The following MEOX2 variants were observed in gnomAD, a reference collection of about 807,000 sequenced individuals.
MEOX2 encodes homeobox protein MOX-2.
In MEOX2, 11 loss-of-function variants were observed where a neutral mutation model predicts 27.0. That is an observed-to-expected ratio of 0.41 (90% CI 0.26 to 0.68). The LOEUF is 0.68. Among genes scored for constraint, MEOX2 ranks in the 30% least tolerant of loss-of-function variants. The pLI, the probability that MEOX2 is intolerant of heterozygous loss-of-function variation, is 0.33. For missense variants in MEOX2, 436 were observed against 385.4 expected, an observed-to-expected ratio of 1.13 and a Z score of -1.10; for synonymous variants, 189 against 155.4, an observed-to-expected ratio of 1.22 and a Z score of -1.61.
chr7:15,620,768 G>A (rs1024143539), intron 2 of MEOX2, among the ~76,000 whole-genome samples: 3 of 152,108 alleles, frequency 2.0e-5, no homozygotes, highest in East Asian at 1.9e-4. Flanking sequence ...GTATGATCTC[G>A]TTAGGTGGGA....
intron 1 of MEOX2, among the ~76,000 whole-genome samples, chr7:15,658,415 G>T (rs1273423557): frequency 6.6e-6 from 1 of 152,150 alleles, no homozygotes; most frequent in East Asian, 1.9e-4. Flanking sequence ...TGCTTTGTGA[G>T]GCTCCTCCTT....
chr7:15,637,322 C>T (rs1448830737), intron 1 of MEOX2, among the ~76,000 whole-genome samples: 2 of 151,964 alleles, frequency 1.3e-5, no homozygotes, highest in Non-Finnish European at 2.9e-5. Context: ...AACTCACATA[C>T]GTCATAGGTT....
At chr7:15,618,488 C>T (rs78582681) in intron 2 of MEOX2, among the ~76,000 whole-genome samples, 1,729 of 152,082 alleles carry the variant, frequency 0.011, 37 homozygotes, top group African/African-American at 0.039. Flanking sequence ...TTGATCTCAA[C>T]ATCTTGCCCA....
intron 1 of MEOX2, among the ~76,000 whole-genome samples, chr7:15,685,419 A>G (rs1161688605): frequency 1.3e-5 from 2 of 152,134 alleles, no homozygotes; most frequent in African/African-American, 4.8e-5. Context: ...AGTTCCAAAC[A>G]TTGTGCAATA....
At position 15,686,267 on chromosome 7, in the gene MEOX2, A is replaced by G. The variant is rs772083188; in HGVS notation, c.136T>C (p.Ser46Pro). The G allele has an allele frequency of 1.2e-6, 2 of 1,612,866 alleles. No individual in the cohort carries two copies. Among genetic ancestry groups the G allele is most frequent in the South Asian group, 2.2e-5 (2 of 90,810 alleles). ...MSYPELSTSS[S>P]SCIIAGYPNE... ...GGGTATCCCGCGATTATGCAAGATG[A>G]GGAAGAAGTAGAGAGCTCGGGGTAA... The change falls in exon 1 of 3, where the codon TCA becomes CCA. Residue 46 changes from serine (S) to proline (P), a missense_variant. By Grantham distance (74) the Ser-to-Pro change is moderately conservative. Transcript: ENST00000262041.
chr7:15,615,748 G>A (rs1355346138), intron 2 of MEOX2, among the ~76,000 whole-genome samples: 1 of 151,830 alleles, frequency 6.6e-6, no homozygotes, highest in African/African-American at 2.4e-5. Flanking sequence ...TCCCTATAGG[G>A]ATATTTTCTC....
intron 1 of MEOX2, among the ~76,000 whole-genome samples, chr7:15,633,142 A>C (rs1781427735): frequency 6.6e-6 from 1 of 151,906 alleles, no homozygotes; most frequent in Non-Finnish European, 1.5e-5. Flanking sequence ...CTAGAACGTA[A>C]GTGTTTGAGG....
At chr7:15,648,111 TA>T (rs901287282) in intron 1 of MEOX2, among the ~76,000 whole-genome samples, 15 of 152,056 alleles carry the variant, frequency 9.9e-5, no homozygotes, top group Non-Finnish European at 5.9e-5. Flanking sequence ...TATTTTTAAT[TA>T]ACAGGTATTT....
chr7:15,618,082 A>G (rs1007901617), intron 2 of MEOX2, among the ~76,000 whole-genome samples: 1 of 152,050 alleles, frequency 6.6e-6, no homozygotes, highest in East Asian at 1.9e-4. Flanking sequence ...AACCATTCAC[A>G]TGATAAAGCA....
chr7:15,683,915 A>G (rs1782333156), intron 1 of MEOX2, among the ~76,000 whole-genome samples: 1 of 152,164 alleles, frequency 6.6e-6, no homozygotes, highest in Non-Finnish European at 1.5e-5. Flanking sequence ...TACCCTCATT[A>G]TCAGCTTCAA....
intron 1 of MEOX2, among the ~76,000 whole-genome samples, chr7:15,639,598 T>A (rs979070482): frequency 6.6e-6 from 1 of 152,030 alleles, no homozygotes; most frequent in Non-Finnish European, 1.5e-5. Context: ...TAGTTTTGGG[T>A]CTTATGTTTA....
intron 1 of MEOX2, chr7:15,681,912 C>A (rs902712560): frequency 2.0e-5 from 3 of 151,696 alleles, no homozygotes; most frequent in Non-Finnish European, 3.0e-5. Context: ...GGAAACTATT[C>A]CTACTTTTAT....
At chr7:15,652,420 G>C (rs906701646) in intron 1 of MEOX2, among the ~76,000 whole-genome samples, 1 of 151,956 alleles carries the variant, frequency 6.6e-6, no homozygotes, top group Non-Finnish European at 1.5e-5. Flanking sequence ...ATATAAGCAG[G>C]TCTTCTATTC....
chr7:15,637,515 T>TACAC (rs903037229), intron 1 of MEOX2, among the ~76,000 whole-genome samples: 3 of 150,144 alleles, frequency 2.0e-5, no homozygotes, highest in Non-Finnish European at 4.5e-5. Context: ...AATTTTCCAA[T>TACAC]ACACACACAC....
At chr7:15,673,059 C>T (rs1782129292) in intron 1 of MEOX2, among the ~76,000 whole-genome samples, 1 of 152,174 alleles carries the variant, frequency 6.6e-6, no homozygotes, top group Non-Finnish European at 1.5e-5. Context: ...ACCTTCAAAA[C>T]ACCCCTAACA....
At position 15,665,041 on chromosome 7, in the gene MEOX2, TCACACACACACACA is replaced by T. The variant is rs35772927; in HGVS notation, c.517+20831_517+20844del. Reference sequence around the variant, plus strand: ...TGACAGATTTATTATTAAGTGGACATCACACACACACACACACACACACACACACACACACACAC... The same window carrying T: ...TGACAGATTTATTATTAAGTGGACATCACACACACACACACACACACACAC... On this transcript the variant is annotated intron_variant, in intron 1 of 2. Transcript: ENST00000262041. 6.5e-3 allele frequency among the ~76,000 whole-genome samples: 917 copies of T among 141,306 alleles called. 9 individuals are homozygous for T. The highest frequency in any genetic ancestry group is 0.022 in the African/African-American group (824 of 37,592). The allele number at this position is 141,306 out of a possible 152,430, so 92.7% of individuals were successfully genotyped here. A position where few individuals can be genotyped will look rare whatever the true frequency, so the allele number is the denominator to read the frequency against.
At chr7:15,629,820 G>A (rs1256753525) in intron 1 of MEOX2, among the ~76,000 whole-genome samples, 3 of 151,892 alleles carry the variant, frequency 2.0e-5, no homozygotes. Flanking sequence ...TGACCCTAAG[G>A]CCTCTACTGC....
chr7:15,616,263 T>G (rs1781122357), intron 2 of MEOX2, among the ~76,000 whole-genome samples: 1 of 151,694 alleles, frequency 6.6e-6, no homozygotes, highest in African/African-American at 2.4e-5. Context: ...AACAAAAAAT[T>G]GCAACAAATA....
chr7:15,675,897 C>G (rs1782185066), intron 1 of MEOX2: 1 of 152,154 alleles, frequency 6.6e-6, no homozygotes, highest in Admixed American at 6.5e-5. Context: ...GAGAAACACT[C>G]TCTGTTCCTT....
Sources: gnomAD v4.1 joint callset for allele counts (sites outside exome capture counted in the v4.1 genomes callset) on GRCh38, gnomAD v4.1.1 for gene constraint, MANE v1.5 for transcripts, NCBI Gene and HGNC (gene_info 2026-07-23, HGNC 2026-07-21) for gene names.